The following LPP variants were observed in gnomAD, a reference collection of about 807,000 sequenced individuals.
LPP encodes the protein LIM domain containing preferred translocation partner in lipoma, also known as lipoma-preferred partner.
LPP carries 38 observed loss-of-function variants against 60.4 expected under a neutral mutation model. The ratio of observed to expected loss-of-function variants is 0.63; its 90% CI spans 0.49 to 0.83. The LOEUF is 0.83. Ranked by LOEUF, LPP falls within the 40% of genes least tolerant of loss-of-function variation. The pLI, the probability that LPP is intolerant of heterozygous loss-of-function variation, is 0.00. For missense variants in LPP, 902 were observed against 783.6 expected (o/e 1.15, Z -1.80); for synonymous variants, 328 against 290.8 (o/e 1.13, Z -1.30).
At chr3:188,751,226 C>T (rs1027386250) in intron 8 of LPP, among the ~76,000 whole-genome samples, 2 of 152,108 alleles carry the variant, frequency 1.3e-5, no homozygotes, top group African/African-American at 4.8e-5. Context: ...GATTTCCTAC[C>T]ACAAAAGCTA....
intron 6 of LPP, among the ~76,000 whole-genome samples, chr3:188,538,537 T>C (rs1262424781): frequency 6.6e-6 from 1 of 152,110 alleles, no homozygotes; most frequent in East Asian, 1.9e-4. Flanking sequence ...AAAGACAACA[T>C]GTGTTGGCAA....
At chr3:188,789,446 A>G (rs557619973) in intron 9 of LPP, among the ~76,000 whole-genome samples, 13 of 152,298 alleles carry the variant, frequency 8.5e-5, no homozygotes, top group African/African-American at 3.1e-4. Flanking sequence ...TTATTCCCTT[A>G]ATCGGTCTTA....
chr3:188,682,962 AT>A (rs1859856266), intron 7 of LPP, among the ~76,000 whole-genome samples: 1 of 152,122 alleles, frequency 6.6e-6, no homozygotes, highest in Non-Finnish European at 1.5e-5. Flanking sequence ...CTTTTTTCCT[AT>A]ATTTTAAAAC....
intron 9 of LPP, among the ~76,000 whole-genome samples, chr3:188,828,539 C>G (rs556411399): frequency 7.4e-6 from 1 of 135,264 alleles, no homozygotes; most frequent in Non-Finnish European, 1.5e-5. Flanking sequence ...TGCTTGAACT[C>G]GGGAGGTGGA....
At chr3:188,448,447 T>A (rs1232240957) in intron 4 of LPP, among the ~76,000 whole-genome samples, 2 of 147,456 alleles carry the variant, frequency 1.4e-5, no homozygotes, top group South Asian at 2.2e-4. Context: ...TATTTAGATA[T>A]CTATATTTAG....
At chr3:188,474,721 C>A (rs1221895056) in intron 4 of LPP, among the ~76,000 whole-genome samples, 2 of 152,202 alleles carry the variant, frequency 1.3e-5, no homozygotes, top group African/African-American at 4.8e-5. Context: ...CTGTCCATCA[C>A]ATGAATTTTT....
chr3:188,797,452 T>C (rs1040157029), intron 9 of LPP, among the ~76,000 whole-genome samples: 2 of 152,154 alleles, frequency 1.3e-5, no homozygotes, highest in African/African-American at 4.8e-5. Flanking sequence ...AATCTCATAA[T>C]CTTCTAGACT....
chr3:188,734,746 C>A (rs55658259), intron 8 of LPP, among the ~76,000 whole-genome samples: 1 of 152,152 alleles, frequency 6.6e-6, no homozygotes, highest in Admixed American at 6.5e-5. Flanking sequence ...GGCAGGTGCA[C>A]GGATTAGATG....
At chr3:188,367,754 G>C (rs1009694897) in intron 3 of LPP, among the ~76,000 whole-genome samples, 1 of 152,140 alleles carries the variant, frequency 6.6e-6, no homozygotes, top group African/African-American at 2.4e-5. Flanking sequence ...GATTCTTGAT[G>C]CATCCCCAAC....
intron 7 of LPP, among the ~76,000 whole-genome samples, chr3:188,701,669 C>T (rs2149593721): frequency 6.6e-6 from 1 of 152,036 alleles, no homozygotes; most frequent in East Asian, 1.9e-4. Context: ...AGTTAGCAGG[C>T]TCTGCCATGC....
chr3:188,445,124 A>G (rs914082475), intron 4 of LPP, among the ~76,000 whole-genome samples: 2 of 152,240 alleles, frequency 1.3e-5, no homozygotes, highest in African/African-American at 4.8e-5. Context: ...TGACCCAACA[A>G]TCCCATTACT....
At chr3:188,262,050 A>C (rs1733837891) in intron 2 of LPP, among the ~76,000 whole-genome samples, 1 of 152,226 alleles carries the variant, frequency 6.6e-6, no homozygotes, top group East Asian at 1.9e-4. Flanking sequence ...TGTGGCAGGC[A>C]CTGTGCTACA....
intron 6 of LPP, among the ~76,000 whole-genome samples, chr3:188,528,278 C>T (rs942707741): frequency 1.3e-5 from 2 of 152,236 alleles, no homozygotes; most frequent in South Asian, 2.1e-4. Flanking sequence ...TGACCCACTT[C>T]GGCCTTCCAA....
intron 1 of LPP, among the ~76,000 whole-genome samples, chr3:188,197,369 A>G (rs1729828114): frequency 6.6e-6 from 1 of 152,140 alleles, no homozygotes; most frequent in Admixed American, 6.5e-5. Flanking sequence ...CCTTTGGGCT[A>G]GTGTCTATCA....
At chr3:188,278,827 A>G (rs1233433084) in intron 2 of LPP, among the ~76,000 whole-genome samples, 1 of 152,106 alleles carries the variant, frequency 6.6e-6, no homozygotes, top group Non-Finnish European at 1.5e-5. Context: ...AGGCTGTGTA[A>G]TAACACGCCA....
At chr3:188,607,116 G>GACACACAC (rs34057522) in intron 6 of LPP, among the ~76,000 whole-genome samples, 61 of 129,588 alleles carry the variant, frequency 4.7e-4, no homozygotes, top group Admixed American at 1.5e-3. Context: ...TCTTGGTGAA[G>GACACACAC]ACACACACAC....
chr3:188,599,586 C>T (rs550370020), intron 6 of LPP, among the ~76,000 whole-genome samples: 1 of 152,108 alleles, frequency 6.6e-6, no homozygotes, highest in Non-Finnish European at 1.5e-5. Flanking sequence ...TGAAGTGCCA[C>T]ACCAGACTAT....
intron 2 of LPP, among the ~76,000 whole-genome samples, chr3:188,324,401 T>A (rs896067173): frequency 6.6e-6 from 1 of 152,166 alleles, no homozygotes; most frequent in Non-Finnish European, 1.5e-5. Flanking sequence ...AGAGCCTTGG[T>A]TCTCAAAGTG....
At chr3:188,542,632 C>T (rs949211716) in intron 6 of LPP, among the ~76,000 whole-genome samples, 4 of 152,192 alleles carry the variant, frequency 2.6e-5, no homozygotes, top group East Asian at 3.8e-4. Context: ...GAATTTTTCT[C>T]ATAACATCCT....
Sources: allele counts gnomAD v4.1 joint callset (sites outside exome capture counted in the v4.1 genomes callset), GRCh38; gene constraint gnomAD v4.1.1; transcripts MANE v1.5; gene names NCBI Gene and HGNC (gene_info 2026-07-23, HGNC 2026-07-21).